The following RBFOX1 variants were observed in gnomAD, a reference collection of about 807,000 sequenced individuals.
The protein encoded by RBFOX1 is RNA binding fox-1 homolog 1.
Under a neutral mutation model 57.7 loss-of-function variants are expected in RBFOX1, and 8 were observed. The observed-to-expected ratio is 0.14, with a 90% CI of 0.08 to 0.25. The LOEUF is 0.25. Among genes scored for constraint, RBFOX1 ranks in the 10% least tolerant of loss-of-function variants. The pLI is 1.00. For synonymous variants in RBFOX1, 326 were observed against 222.4 expected (o/e 1.47, Z -4.15); for missense variants, 611 against 548.5 (o/e 1.11, Z -1.14).
chr16:7,111,175 T>A (rs1339743315), intron 4 of RBFOX1, among the ~76,000 whole-genome samples: 2 of 152,216 alleles, frequency 1.3e-5, no homozygotes, highest in African/African-American at 4.8e-5. Flanking sequence ...AAAAAGAATA[T>A]TCTGCAATGC....
chr16:6,964,963 C>T (rs76967170), intron 3 of RBFOX1, among the ~76,000 whole-genome samples: 1 of 152,180 alleles, frequency 6.6e-6, no homozygotes, highest in South Asian at 2.1e-4. Context: ...AGGCACTTAG[C>T]AGCGAGTGTG....
intron 1 of RBFOX1, among the ~76,000 whole-genome samples, chr16:6,232,890 TC>T (rs2097475511): frequency 1.3e-5 from 2 of 152,142 alleles, no homozygotes; most frequent in South Asian, 4.1e-4. Flanking sequence ...CATCCACATG[TC>T]CAGTCTCTTC....
In RBFOX1 at chr16:7,013,707, G is replaced by T. The variant is rs116037637; in HGVS notation, c.-15-38350G>T. On this transcript the variant is annotated intron_variant, in intron 3 of 15. Coordinates refer to ENST00000550418, the MANE Select transcript of RBFOX1 (RefSeq NM_018723.4). ...CTGTTTTTCTCTGTTGCCCAGGCTGGAGTGCACTGGCACAATCACTGCTCA... is the reference window on the plus strand; with the variant it reads ...CTGTTTTTCTCTGTTGCCCAGGCTGTAGTGCACTGGCACAATCACTGCTCA... Among the ~76,000 whole-genome samples the T allele has an allele frequency of 3.6e-3, 552 of 152,288 alleles. 5 individuals are homozygous for T. Among genetic ancestry groups the T allele is most frequent in the African/African-American group, 0.012 (497 of 41,552 alleles).
chr16:6,238,479 A>G (rs1201656074), intron 1 of RBFOX1, among the ~76,000 whole-genome samples: 1 of 152,198 alleles, frequency 6.6e-6, no homozygotes, highest in Non-Finnish European at 1.5e-5. Context: ...ACAAAATAAC[A>G]GATTTTATGG....
intron 10 of RBFOX1, among the ~76,000 whole-genome samples, chr16:7,607,641 G>A (rs1328571223): frequency 6.6e-6 from 1 of 152,170 alleles, no homozygotes; most frequent in Non-Finnish European, 1.5e-5. Flanking sequence ...CAAATGGAGA[G>A]CTGCTCACAC....
At chr16:5,848,134 T>C (rs1054359879) in intron 3 of RBFOX1, among the ~76,000 whole-genome samples, 3 of 152,060 alleles carry the variant, frequency 2.0e-5, no homozygotes, top group African/African-American at 7.3e-5. Flanking sequence ...TAAGTGAAAA[T>C]GGCATACAAA....
At chr16:7,196,114 C>G (rs767915275) in intron 4 of RBFOX1, among the ~76,000 whole-genome samples, 1 of 152,042 alleles carries the variant, frequency 6.6e-6, no homozygotes, top group Non-Finnish European at 1.5e-5. Context: ...TCTTCATCAT[C>G]CTACTCCTCC....
chr16:6,981,279 C>A (rs1340502899), intron 3 of RBFOX1, among the ~76,000 whole-genome samples: 2 of 151,864 alleles, frequency 1.3e-5, no homozygotes, highest in East Asian at 1.9e-4. Flanking sequence ...CACCATTCAC[C>A]CTCCAAAAGG....
chr16:5,739,681 A>T (rs1021461397), intron 3 of RBFOX1, among the ~76,000 whole-genome samples: 1 of 152,212 alleles, frequency 6.6e-6, no homozygotes, highest in Non-Finnish European at 1.5e-5. Context: ...CTAAGCTTCA[A>T]ACTTAGAATT....
At position 7,464,930 on chromosome 16, in the gene RBFOX1, C is replaced by T. The variant is rs1232731456; in HGVS notation, c.28-53217C>T. ...GCCAGGATGGTCTCCATTTCTTGAC[C>T]TCGTGATCAGTCCACCTCGGCCTCC... On this transcript the variant is annotated intron_variant, in intron 4 of 15. Transcript: ENST00000550418. Among the ~76,000 whole-genome samples the T allele has an allele frequency of 2.0e-5, 3 of 151,962 alleles. No individual in the cohort carries two copies. In the East Asian group the frequency reaches 5.8e-4, roughly 30 times the overall value.
Position 7,062,334 on chromosome 16 carries a change from A to AAAAAG in RBFOX1, c.27+10246_27+10250dup, listed in dbSNP as rs1173886137. 4.4e-4 allele frequency among the ~76,000 whole-genome samples: 63 copies of AAAAAG among 143,716 alleles called. 1 individual carries two copies. Among genetic ancestry groups the AAAAAG allele is most frequent in the African/African-American group, 1.6e-3 (59 of 37,700 alleles). The allele number at this position is 143,716 out of a possible 152,430, so 94.3% of individuals were successfully genotyped here. A position where few individuals can be genotyped will look rare whatever the true frequency, so the allele number is the denominator to read the frequency against. On this transcript the variant is annotated intron_variant, in intron 4 of 15. Coordinates refer to ENST00000550418, the MANE Select transcript of RBFOX1 (RefSeq NM_018723.4). ...CTCCATCTCAAAAAAAAAAAAAAAA[A>AAAAAG]AAAAGAAAAGAAAAAAGGAAAAATG...
At chr16:6,029,513 C>G (rs923188225) in intron 1 of RBFOX1, among the ~76,000 whole-genome samples, 3 of 152,296 alleles carry the variant, frequency 2.0e-5, no homozygotes, top group African/African-American at 7.2e-5. Flanking sequence ...GTGGCTCACG[C>G]CTGTAATCCC....
chr16:7,135,488 A>C (rs148962498), intron 4 of RBFOX1, among the ~76,000 whole-genome samples: 6 of 152,332 alleles, frequency 3.9e-5, no homozygotes, highest in Non-Finnish European at 7.4e-5. Flanking sequence ...CGTGAATACT[A>C]AGGGGTGTGT....
chr16:6,979,929 A>G (rs1481855504), intron 3 of RBFOX1, among the ~76,000 whole-genome samples: 2 of 152,090 alleles, frequency 1.3e-5, no homozygotes, highest in Non-Finnish European at 2.9e-5. Flanking sequence ...TGGAACTGCC[A>G]GTTTCTGAGA....
intron 4 of RBFOX1, among the ~76,000 whole-genome samples, chr16:7,469,094 C>A (rs909360118): frequency 1.3e-5 from 2 of 152,064 alleles, no homozygotes; most frequent in African/African-American, 4.8e-5. Flanking sequence ...GCACCATGCC[C>A]GGCTAATTTT....
rs555283888 is a variant in RBFOX1 at position 6,885,841 on chromosome 16, A to C, written c.-15-166216A>C. Among the ~76,000 whole-genome samples the C allele has an allele frequency of 7.6e-4, 116 of 152,172 alleles. 1 individual carries two copies. The highest frequency in any genetic ancestry group is 1.0e-3 in the Non-Finnish European group (68 of 67,988). ...TCACTGCACCCGGCCTTAGTCATGC[A>C]ATTTTTATTTTAGAGAAATTCTAGA... On this transcript the variant is annotated intron_variant, in intron 3 of 15. Transcript: ENST00000550418.
chr16:6,438,178 C>A (rs888457714), intron 2 of RBFOX1, among the ~76,000 whole-genome samples: 1 of 152,202 alleles, frequency 6.6e-6, no homozygotes, highest in Non-Finnish European at 1.5e-5. Flanking sequence ...TTTAAAAAGA[C>A]CGTACAATGT....
intron 4 of RBFOX1, among the ~76,000 whole-genome samples, chr16:7,184,888 A>G (rs749419855): frequency 2.0e-4 from 30 of 152,322 alleles, no homozygotes; most frequent in Admixed American, 2.6e-4. Flanking sequence ...ATGTTTACAC[A>G]TGGGTAATAT....
chr16:7,666,418 TAGTTA>T lies in RBFOX1; in HGVS notation c.930+1452_930+1456del, dbSNP rs370097275. On this transcript the variant is annotated intron_variant, in intron 13 of 15. Coordinates refer to ENST00000550418, the MANE Select transcript of RBFOX1 (RefSeq NM_018723.4). Reference sequence around the variant, plus strand: ...AAAAAAATGCAGATTTTCCTGAGTTTAGTTAAAAGTATTTCACAATCATTTAGTGA... The same window carrying T: ...AAAAAAATGCAGATTTTCCTGAGTTTAAAGTATTTCACAATCATTTAGTGA... Among the ~76,000 whole-genome samples the T allele has an allele frequency of 5.7e-4, 87 of 152,338 alleles. 2 individuals are homozygous for T. In the East Asian group the frequency reaches 9.8e-3, roughly 17 times the overall value.
Sources: allele counts gnomAD v4.1 joint callset (sites outside exome capture counted in the v4.1 genomes callset), GRCh38; gene constraint gnomAD v4.1.1; transcripts MANE v1.5; gene names NCBI Gene and HGNC (gene_info 2026-07-23, HGNC 2026-07-21).